Variants in KDM4B observed in about 807,000 individuals in gnomAD.
KDM4B encodes the protein lysine demethylase 4B.
KDM4B carries 32 observed loss-of-function variants against 125.2 expected under a neutral mutation model. That is an observed-to-expected ratio of 0.26 (90% CI 0.19 to 0.34). The LOEUF is 0.34. KDM4B is among the 10% of genes least tolerant of loss of function. The pLI is 1.00. For synonymous variants in KDM4B, 721 were observed against 677.9 expected, an observed-to-expected ratio of 1.06 and a Z score of -0.99; for missense variants, 1,190 against 1,577.7, an observed-to-expected ratio of 0.75 and a Z score of 4.16.
At chr19:5,131,567 AGGGAGGAG>A (rs1568316809) in intron 12 of KDM4B, 22 bp downstream of exon 12, 3 of 304,074 alleles carry the variant, frequency 9.9e-6, no homozygotes, top group Non-Finnish European at 1.9e-5. Context: ...CGGGGGAGGC[AGGGAGGAG>A]GGGGGCAGGT....
rs573849837 is a variant in KDM4B, at chr19:4,982,647, G to A, written c.-109+13417G>A. Among the ~76,000 whole-genome samples the A allele has an allele frequency of 1.5e-4, 22 of 151,268 alleles. No homozygotes were observed. The South Asian group carries it at 3.8e-3, about 26-fold the overall frequency. ...TCTTTTTTTGTGGCGGAGTCTCACTGTGTCAACCAGGCTGGAGTGCAGTGG... is the reference window on the plus strand; with the variant it reads ...TCTTTTTTTGTGGCGGAGTCTCACTATGTCAACCAGGCTGGAGTGCAGTGG... On this transcript the variant is annotated intron_variant, in intron 1 of 22. Coordinates refer to ENST00000159111, the MANE Select transcript of KDM4B (RefSeq NM_015015.3).
intron 7 of KDM4B, 118 bp from the exon 8 acceptor site, chr19:5,077,249 T>C: frequency 1.2e-6 from 1 of 814,460 alleles, no homozygotes. Flanking sequence ...CCGTGCTCTG[T>C]GCTCCCACAC....
intron 11 of KDM4B, among the ~76,000 whole-genome samples, chr19:5,127,506 G>T (rs951505879): frequency 3.3e-5 from 5 of 152,216 alleles, no homozygotes; most frequent in African/African-American, 1.2e-4. Context: ...AGCAGGTGCG[G>T]GCTATGCGTG....
At chr19:4,980,831 C>T (rs898130780) in intron 1 of KDM4B, among the ~76,000 whole-genome samples, 1 of 150,438 alleles carries the variant, frequency 6.6e-6, no homozygotes, top group Admixed American at 6.6e-5. Flanking sequence ...CTCATTTTTT[C>T]AGCCCCATCC....
chr19:5,047,326 A>C, intron 5 of KDM4B, 150 bp from the exon 6 acceptor site: 2 of 662,040 alleles, frequency 3.0e-6, no homozygotes, highest in Non-Finnish European at 5.1e-6. Context: ...TCTGCAGGGT[A>C]TGACCGGCCC....
intron 9 of KDM4B, among the ~76,000 whole-genome samples, chr19:5,085,788 G>T (rs2038472333): frequency 6.6e-6 from 1 of 152,228 alleles, no homozygotes; most frequent in Non-Finnish European, 1.5e-5. Flanking sequence ...GGCCGTCGGG[G>T]GGGTCGGTGG....
At chr19:5,018,727 T>C (rs2035967763) in intron 2 of KDM4B, among the ~76,000 whole-genome samples, 1 of 152,134 alleles carries the variant, frequency 6.6e-6, no homozygotes, top group Admixed American at 6.5e-5. Flanking sequence ...CTTCATCCTG[T>C]CCCCCACACC....
At chr19:5,130,978 T>C (rs923560150) in intron 11 of KDM4B, 98 bp from the exon 12 acceptor site, 12 of 938,220 alleles carry the variant, frequency 1.3e-5, no homozygotes, top group Non-Finnish European at 1.9e-5. Context: ...GAAGGAGCCC[T>C]CGACCATCCC....
rs186816817 is a variant in KDM4B at position 4,989,103 on chromosome 19, G to A, written c.-109+19873G>A. ...GCTTCCTTGTCTGTGATGAGAGGAC[G>A]GGAGGGTGGCTGTCTGGACAGTGCT... On this transcript the variant is annotated intron_variant, in intron 1 of 22. Transcript: ENST00000159111. 3.2e-4 allele frequency among the ~76,000 whole-genome samples: 49 copies of A among 152,334 alleles called. 1 individual carries two copies. The highest frequency in any genetic ancestry group is 9.9e-4 in the African/African-American group (41 of 41,578).
At position 5,014,699 on chromosome 19, in the gene KDM4B, G is replaced by A. The variant is rs913017285; in HGVS notation, c.-108-1558G>A. ...GCTGGCATTACAGGTGTGAGCCACT[G>A]TACTACTTGGTGTTATTTAAAAGTC... On this transcript the variant is annotated intron_variant, in intron 1 of 22. Transcript: ENST00000159111. Among the ~76,000 whole-genome samples the A allele has an allele frequency of 4.6e-5, 7 of 152,124 alleles. No individual in the cohort carries two copies. The East Asian group carries it at 7.7e-4, about 17-fold the overall frequency.
intron 1 of KDM4B, among the ~76,000 whole-genome samples, chr19:4,989,441 G>A (rs1458580310): frequency 2.0e-5 from 3 of 151,854 alleles, no homozygotes; most frequent in Non-Finnish European, 4.4e-5. Context: ...AGGTTCAAGC[G>A]ATTCTCCTGC....
intron 10 of KDM4B, chr19:5,119,016 A>G (rs2039308815): frequency 1.5e-6 from 1 of 677,216 alleles, no homozygotes; most frequent in South Asian, 1.7e-5. Flanking sequence ...CTGCAGAGAG[A>G]GGACCCAGGG....
intron 5 of KDM4B, among the ~76,000 whole-genome samples, chr19:5,046,796 T>A (rs1249177027): frequency 6.6e-6 from 1 of 152,204 alleles, no homozygotes; most frequent in Non-Finnish European, 1.5e-5. Context: ...TAGCCCCAAG[T>A]GGTGACTGTT....
intron 21 of KDM4B, among the ~76,000 whole-genome samples, chr19:5,146,987 T>C (rs1009895936): frequency 8.8e-5 from 13 of 148,274 alleles, no homozygotes; most frequent in African/African-American, 3.2e-4. Context: ...GGAAGCATTC[T>C]GGTGCATCTA....
chr19:5,125,568 G>A (rs1392596742), intron 11 of KDM4B, among the ~76,000 whole-genome samples: 1 of 152,236 alleles, frequency 6.6e-6, no homozygotes. Context: ...GCTCCCTCCC[G>A]AGATCCCCGG....
chr19:5,064,278 C>T (rs770006845), intron 6 of KDM4B, among the ~76,000 whole-genome samples: 2 of 152,224 alleles, frequency 1.3e-5, no homozygotes, highest in Admixed American at 6.5e-5. Context: ...GTGACGTGCA[C>T]GGGCTCTGCC....
At chr19:5,143,782 T>C (rs1046963915) in intron 18 of KDM4B, among the ~76,000 whole-genome samples, 185 bp from the exon 19 acceptor site, 1 of 151,888 alleles carries the variant, frequency 6.6e-6, no homozygotes, top group Non-Finnish European at 1.5e-5. Flanking sequence ...GGTCAGTGGG[T>C]CTGGAGGGCT....
chr19:5,134,111 G>A (rs748443208), intron 14 of KDM4B, 50 bp downstream of exon 14: 2 of 1,528,498 alleles, frequency 1.3e-6, no homozygotes, highest in Middle Eastern at 2.2e-4. Context: ...CAGGGGCGGT[G>A]GGAGAGGGCG....
At chr19:5,064,316 C>T (rs1488188314) in intron 6 of KDM4B, among the ~76,000 whole-genome samples, 4 of 152,316 alleles carry the variant, frequency 2.6e-5, no homozygotes, top group East Asian at 3.9e-4. Flanking sequence ...GCGATGATAG[C>T]GCATTAAATG....
Sources: allele counts gnomAD v4.1 joint callset (sites outside exome capture counted in the v4.1 genomes callset), GRCh38; gene constraint gnomAD v4.1.1; transcripts MANE v1.5; gene names NCBI Gene and HGNC (gene_info 2026-07-23, HGNC 2026-07-21).